The following EGLN1 variants were observed in gnomAD, a reference collection of about 807,000 sequenced individuals.
EGLN1 encodes egl-9 family hypoxia inducible factor 1, also known as egl nine homolog 1.
In EGLN1, 17 loss-of-function variants were observed where a neutral mutation model predicts 38.3. The observed-to-expected ratio is 0.44, with a 90% CI of 0.30 to 0.67. The LOEUF (loss-of-function observed/expected upper bound fraction) is 0.67, where lower values mean the gene tolerates loss of function less well. EGLN1 is among the 30% of genes least tolerant of loss of function. The pLI, the probability that EGLN1 is intolerant of heterozygous loss-of-function variation, is 0.08. For synonymous variants in EGLN1, 283 were observed against 257.5 expected (o/e 1.10, Z -0.95); for missense variants, 477 against 603.3 (o/e 0.79, Z 2.19).
intron 1 of EGLN1, among the ~76,000 whole-genome samples, chr1:231,393,800 G>C (rs1688451374): frequency 6.6e-6 from 1 of 152,018 alleles, no homozygotes; most frequent in Admixed American, 6.6e-5. Context: ...ATGCTCACTG[G>C]AGGCCAATTT....
At position 231,396,809 on chromosome 1, in the gene EGLN1, T is replaced by C. The variant is rs531327908; in HGVS notation, c.892-22710A>G. Among the ~76,000 whole-genome samples the C allele has an allele frequency of 3.3e-5, 5 of 152,340 alleles. No homozygotes were observed. In the East Asian group the frequency reaches 9.6e-4, roughly 29 times the overall value. Reference sequence around the variant, plus strand: ...TTCCTTTACTGAGTGGCATCCTTGTTCAACCAGTCTCCCTACGGAAACTTA... The same window carrying C: ...TTCCTTTACTGAGTGGCATCCTTGTCCAACCAGTCTCCCTACGGAAACTTA... On this transcript the variant is annotated intron_variant, in intron 1 of 4. Transcript: ENST00000366641.
rs1467223460 is a variant in EGLN1 at position 231,365,402 on chromosome 1, CCAGT to C, written c.*1005_*1008del. 1 of 152,144 alleles carries C rather than the reference CCAGT, an allele frequency of 6.6e-6. No homozygotes were observed. Among genetic ancestry groups the C allele is most frequent in the Non-Finnish European group, 1.5e-5 (1 of 68,020 alleles). The allele number at this position is 152,144 out of a possible 1,614,324, so 9.4% of individuals were successfully genotyped here. ...AGGATAATCTCAAGTTCACTTAGTG[CCAGT>C]CACTTTAGTTTTTTAAAAAATTTAA... On this transcript the variant is annotated 3_prime_UTR_variant, in exon 5 of 5. Transcript: ENST00000366641.
At chr1:231,409,434 T>G (rs957161651) in intron 1 of EGLN1, among the ~76,000 whole-genome samples, 2 of 152,110 alleles carry the variant, frequency 1.3e-5, no homozygotes, top group Non-Finnish European at 2.9e-5. Context: ...ACCTGGGCAC[T>G]GTGGTACCTT....
chr1:231,418,948 G>A (rs1028942485), intron 1 of EGLN1, among the ~76,000 whole-genome samples: 3 of 151,850 alleles, frequency 2.0e-5, no homozygotes, highest in Admixed American at 6.6e-5. Context: ...CTCAATATAC[G>A]GTGGGTGGTT....
chr1:231,370,792 T>C (rs2102894728), intron 2 of EGLN1, 94 bp from the exon 3 acceptor site: 2 of 1,409,100 alleles, frequency 1.4e-6, no homozygotes, highest in Non-Finnish European at 2.0e-6. Flanking sequence ...AATGTCTTAA[T>C]TGGATTATTC....
chr1:231,411,010 A>G (rs1441915456), intron 1 of EGLN1, among the ~76,000 whole-genome samples: 1 of 152,188 alleles, frequency 6.6e-6, no homozygotes, highest in Non-Finnish European at 1.5e-5. Context: ...AAACTATAGA[A>G]GCCAAGCTCC....
At chr1:231,403,240 T>C (rs1361606141) in intron 1 of EGLN1, among the ~76,000 whole-genome samples, 1 of 152,208 alleles carries the variant, frequency 6.6e-6, no homozygotes, top group Non-Finnish European at 1.5e-5. Flanking sequence ...ATTCTACAGA[T>C]GTCAATCAGG....
intron 1 of EGLN1, among the ~76,000 whole-genome samples, chr1:231,395,604 T>A (rs757717369): frequency 1.3e-5 from 2 of 152,194 alleles, no homozygotes; most frequent in Non-Finnish European, 2.9e-5. Flanking sequence ...ATGACATCAC[T>A]GAAAGGAATG....
intron 1 of EGLN1, among the ~76,000 whole-genome samples, chr1:231,405,343 C>CT (rs1293108406): frequency 2.6e-5 from 4 of 151,868 alleles, no homozygotes; most frequent in Non-Finnish European, 4.4e-5. Flanking sequence ...CCATGCCCGG[C>CT]TTTTTTTGTA....
chr1:231,367,553 C>T lies in EGLN1; in HGVS notation c.1216+16G>A, dbSNP rs1482429599. On this transcript the variant is annotated intron_variant, in intron 4 of 4. Coordinates refer to ENST00000366641, the MANE Select transcript of EGLN1 (RefSeq NM_022051.3). ...TATTTCTGTACCAATATATCCTGGCCCCAAATGACGTTTACCTGTTAGATA... is the reference window on the plus strand; with the variant it reads ...TATTTCTGTACCAATATATCCTGGCTCCAAATGACGTTTACCTGTTAGATA... The T allele has an allele frequency of 4.3e-6, 7 of 1,613,418 alleles. No homozygotes were observed. The African/African-American group carries it at 9.3e-5, about 22-fold the overall frequency.
At chr1:231,417,816 C>T (rs948113425) in intron 1 of EGLN1, among the ~76,000 whole-genome samples, 2 of 152,174 alleles carry the variant, frequency 1.3e-5, no homozygotes, top group South Asian at 4.1e-4. Context: ...AAAGCCTACA[C>T]TGAATGGGCC....
At chr1:231,384,365 T>C (rs1489735958) in intron 1 of EGLN1, among the ~76,000 whole-genome samples, 2 of 147,874 alleles carry the variant, frequency 1.4e-5, no homozygotes, top group South Asian at 2.1e-4. Context: ...AGTCAATATA[T>C]AGCATAATAT....
At chr1:231,375,514 G>A (rs1367003662) in intron 1 of EGLN1, among the ~76,000 whole-genome samples, 1 of 152,152 alleles carries the variant, frequency 6.6e-6, no homozygotes, top group Non-Finnish European at 1.5e-5. Flanking sequence ...GAAACTAAGA[G>A]GCATCTTAAA....
intron 1 of EGLN1, among the ~76,000 whole-genome samples, chr1:231,418,162 T>C (rs1689132980): frequency 6.6e-6 from 1 of 152,228 alleles, no homozygotes; most frequent in Non-Finnish European, 1.5e-5. Flanking sequence ...AAAAACCATA[T>C]TCTGACATCT....
At position 231,408,205 on chromosome 1, in the gene EGLN1, A is replaced by C. The variant is rs72754578; in HGVS notation, c.891+12793T>G. ...GAGTTCGGGAGGATATCTGGGAAGC[A>C]GACTTAGCTTAGATCCTAAAGGGTG... On this transcript the variant is annotated intron_variant, in intron 1 of 4. Coordinates refer to ENST00000366641, the MANE Select transcript of EGLN1 (RefSeq NM_022051.3). Among the ~76,000 whole-genome samples, 353 of 152,314 alleles carry C rather than the reference A, an allele frequency of 2.3e-3. 1 individual carries two copies. The highest frequency in any genetic ancestry group is 3.3e-3 in the Non-Finnish European group (225 of 68,030).
chr1:231,411,114 C>G (rs796221438), intron 1 of EGLN1, among the ~76,000 whole-genome samples: 2 of 152,192 alleles, frequency 1.3e-5, no homozygotes, highest in African/African-American at 4.8e-5. Flanking sequence ...GTCTCCTCAC[C>G]CAAATCTCAT....
At chr1:231,420,908 G>A in intron 1 of EGLN1, 90 bp downstream of exon 1, 2 of 1,610,780 alleles carry the variant, frequency 1.2e-6, no homozygotes, top group East Asian at 2.2e-5. Flanking sequence ...ATAGAGGAAT[G>A]CTGCTTCTCA....
intron 1 of EGLN1, among the ~76,000 whole-genome samples, chr1:231,378,304 T>A (rs1384720365): frequency 1.3e-5 from 2 of 152,186 alleles, no homozygotes; most frequent in Non-Finnish European, 2.9e-5. Context: ...AATCCACCAC[T>A]ATATAATTCT....
chr1:231,374,785 T>A (rs1332860125), intron 1 of EGLN1, among the ~76,000 whole-genome samples: 2 of 151,966 alleles, frequency 1.3e-5, no homozygotes, highest in Non-Finnish European at 2.9e-5. Flanking sequence ...TGTCAGTGAT[T>A]TTTTTTTAAA....
Sources: allele counts gnomAD v4.1 joint callset (sites outside exome capture counted in the v4.1 genomes callset), GRCh38; gene constraint gnomAD v4.1.1; transcripts MANE v1.5; gene names NCBI Gene and HGNC (gene_info 2026-07-23, HGNC 2026-07-21).